Variants in CDH18 observed in about 807,000 individuals in gnomAD.
CDH18 encodes cadherin 18, also known as cadherin-18.
In CDH18, 31 loss-of-function variants were observed where a neutral mutation model predicts 67.9. The observed-to-expected ratio is 0.46, with a 90% CI of 0.34 to 0.62. The LOEUF is 0.62. Among genes scored for constraint, CDH18 ranks in the 20% least tolerant of loss-of-function variants. CDH18 has a pLI of 0.01. For missense variants in CDH18, 890 were observed against 975.5 expected, an observed-to-expected ratio of 0.91 and a Z score of 1.17; for synonymous variants, 362 against 347.2, an observed-to-expected ratio of 1.04 and a Z score of -0.48.
intron 11 of CDH18, among the ~76,000 whole-genome samples, chr5:19,487,751 C>T (rs889123546): frequency 6.6e-6 from 1 of 152,074 alleles, no homozygotes; most frequent in Non-Finnish European, 1.5e-5. Context: ...TAGGATGAAG[C>T]AGGGAGGTTT....
chr5:20,458,273 T>A (rs909066255), intron 1 of CDH18, among the ~76,000 whole-genome samples: 3 of 152,112 alleles, frequency 2.0e-5, no homozygotes, highest in Non-Finnish European at 4.4e-5. Flanking sequence ...TTGTTTGTTT[T>A]GTAATAAGAA....
At chr5:19,668,020 T>TA (rs906419351) in intron 5 of CDH18, among the ~76,000 whole-genome samples, 5 of 152,008 alleles carry the variant, frequency 3.3e-5, no homozygotes, top group South Asian at 2.1e-4. Flanking sequence ...AAAAAAACTA[T>TA]AAAAAACTCC....
chr5:19,480,619 C>T lies in CDH18; in HGVS notation c.1882+2682G>A, dbSNP rs1367774686. Among the ~76,000 whole-genome samples the T allele has an allele frequency of 3.5e-4, 54 of 152,156 alleles. 1 individual carries two copies. Among genetic ancestry groups the T allele is most frequent in the Admixed American group, 3.3e-3 (51 of 15,284 alleles). ...GTCTCGATCCCCTGACCTCGTGATG[C>T]GCCCACCTCAGCCTCCCAAAGTGCT... On this transcript the variant is annotated intron_variant, in intron 12 of 12. Coordinates refer to ENST00000382275, the MANE Select transcript of CDH18 (RefSeq NM_004934.5).
intron 2 of CDH18, among the ~76,000 whole-genome samples, chr5:20,036,872 C>T (rs1484019764): frequency 6.6e-6 from 1 of 151,918 alleles, no homozygotes; most frequent in Admixed American, 6.6e-5. Context: ...ATGTAATGCC[C>T]TTCTTTGTCT....
intron 1 of CDH18, among the ~76,000 whole-genome samples, chr5:20,273,108 C>T (rs1162160599): frequency 6.6e-6 from 1 of 151,978 alleles, no homozygotes; most frequent in Non-Finnish European, 1.5e-5. Flanking sequence ...CTGTCCTTTG[C>T]TCATTTGAGT....
At chr5:20,405,225 G>T (rs985928975) in intron 1 of CDH18, among the ~76,000 whole-genome samples, 5 of 152,084 alleles carry the variant, frequency 3.3e-5, no homozygotes, top group Non-Finnish European at 5.9e-5. Flanking sequence ...CATGGTACTG[G>T]TATCAAAACA....
rs1458865023 is a variant in CDH18 at position 20,008,679 on chromosome 5, T to G, written c.-517-16665A>C. ...TTCCAGCACAAGATAATTCAATAAGTGAAGGGATAGTGCAGATTAAACACA... is the reference window on the plus strand; with the variant it reads ...TTCCAGCACAAGATAATTCAATAAGGGAAGGGATAGTGCAGATTAAACACA... On this transcript the variant is annotated intron_variant, in intron 2 of 14. Coordinates refer to the CDH18 transcript ENST00000507958. 5.9e-5 allele frequency among the ~76,000 whole-genome samples: 9 copies of G among 152,064 alleles called. No homozygotes were observed. In the South Asian group the frequency reaches 1.7e-3, roughly 28 times the overall value.
chr5:20,403,359 G>A (rs925548273), intron 1 of CDH18, among the ~76,000 whole-genome samples: 1 of 152,072 alleles, frequency 6.6e-6, no homozygotes, highest in Non-Finnish European at 1.5e-5. Context: ...CTGGAGTTTG[G>A]TGTACAAATG....
At chr5:19,792,166 A>G (rs1776430473) in intron 3 of CDH18, among the ~76,000 whole-genome samples, 1 of 152,124 alleles carries the variant, frequency 6.6e-6, no homozygotes, top group Non-Finnish European at 1.5e-5. Context: ...TAGTAGATAG[A>G]GTAAAAAAGA....
intron 1 of CDH18, among the ~76,000 whole-genome samples, chr5:20,377,587 C>T (rs1306524896): frequency 6.6e-6 from 1 of 152,068 alleles, no homozygotes; most frequent in Non-Finnish European, 1.5e-5. Flanking sequence ...CAAATAGGAA[C>T]ACAATGGTTG....
intron 1 of CDH18, among the ~76,000 whole-genome samples, chr5:20,425,254 T>C (rs10428627): frequency 0.23 from 33,998 of 149,918 alleles, 4,503 homozygotes; most frequent in East Asian, 0.3. Context: ...GTAATCCCAG[T>C]TACTCTACTC....
intron 2 of CDH18, among the ~76,000 whole-genome samples, chr5:19,881,206 A>G (rs1295397064): frequency 6.6e-6 from 1 of 152,192 alleles, no homozygotes; most frequent in Non-Finnish European, 1.5e-5. Context: ...GAAGAGAGTA[A>G]GTCCTTTCAA....
At chr5:19,671,073 C>T (rs1472140596) in intron 5 of CDH18, among the ~76,000 whole-genome samples, 1 of 152,038 alleles carries the variant, frequency 6.6e-6, no homozygotes, top group Non-Finnish European at 1.5e-5. Flanking sequence ...AGCACTTAGA[C>T]ACCACCTGAA....
intron 2 of CDH18, among the ~76,000 whole-genome samples, chr5:20,117,026 T>TGA (rs199604319): frequency 1.1e-3 from 166 of 149,728 alleles, no homozygotes; most frequent in African/African-American, 3.5e-3. Context: ...TGTGTGTGTG[T>TGA]GTGAGTGTGT....
Position 20,277,058 on chromosome 5 carries a change from G to A in CDH18, c.-579-21553C>T, listed in dbSNP as rs554637876. Among the ~76,000 whole-genome samples, 66 of 152,260 alleles carry A rather than the reference G, an allele frequency of 4.3e-4. 1 individual carries two copies. The Middle Eastern group carries it at 0.01, about 24-fold the overall frequency. ...CAACGTCAGGCCCTGGCTTCAGGACGACATCTCTGGACCAGAACTCACTGC... is the reference window on the plus strand; with the variant it reads ...CAACGTCAGGCCCTGGCTTCAGGACAACATCTCTGGACCAGAACTCACTGC... On this transcript the variant is annotated intron_variant, in intron 1 of 14. Transcript: ENST00000507958.
chr5:19,740,059 A>G (rs1768897526), intron 4 of CDH18, among the ~76,000 whole-genome samples: 1 of 152,180 alleles, frequency 6.6e-6, no homozygotes, highest in South Asian at 2.1e-4. Flanking sequence ...CAGTTAAACA[A>G]TCTCCTTTTT....
intron 1 of CDH18, among the ~76,000 whole-genome samples, chr5:20,367,578 TAAC>T (rs1298869476): frequency 6.6e-6 from 1 of 152,224 alleles, no homozygotes; most frequent in African/African-American, 2.4e-5. Context: ...AGACAATATG[TAAC>T]AACAAGCATT....
intron 2 of CDH18, among the ~76,000 whole-genome samples, chr5:19,845,943 C>T (rs1396719078): frequency 1.3e-5 from 2 of 151,840 alleles, no homozygotes; most frequent in South Asian, 2.1e-4. Flanking sequence ...ATAATGTGAG[C>T]TTATTTTTAT....
Position 20,276,659 on chromosome 5 carries a change from C to T in CDH18, c.-579-21154G>A, listed in dbSNP as rs189695981. Among the ~76,000 whole-genome samples the T allele has an allele frequency of 1.2e-3, 189 of 152,220 alleles. 1 individual carries two copies. The highest frequency in any genetic ancestry group is 4.2e-3 in the African/African-American group (176 of 41,562). ...GAGGAAAGAGTAAAGGGAACTTTGT[C>T]CTGCAGCTTAGGTATCAGCTTGACC... On this transcript the variant is annotated intron_variant, in intron 1 of 14. Coordinates refer to the CDH18 transcript ENST00000507958.
Sources: allele counts gnomAD v4.1 joint callset (sites outside exome capture counted in the v4.1 genomes callset), GRCh38; gene constraint gnomAD v4.1.1; transcripts MANE v1.5; gene names NCBI Gene and HGNC (gene_info 2026-07-23, HGNC 2026-07-21).